The following KIR3DL1 variants were observed in gnomAD, a reference collection of about 807,000 sequenced individuals.
KIR3DL1 encodes killer cell immunoglobulin-like receptor 3DL1.
KIR3DL1 carries 50 observed loss-of-function variants against 40.3 expected under a neutral mutation model. That is an observed-to-expected ratio of 1.24 (90% CI 0.99 to 1.57). KIR3DL1 has a LOEUF of 1.57. KIR3DL1 is among the 40% of genes most tolerant of loss of function. The pLI is 0.00. For missense variants in KIR3DL1, 661 were observed against 559.9 expected (o/e 1.18, Z -1.82); for synonymous variants, 257 against 207.2 (o/e 1.24, Z -2.07).
At position 54,829,010 on chromosome 19, in the gene KIR3DL1, G is replaced by A. The variant is rs534856349; in HGVS notation, c.1001-351G>A. 8.2e-4 allele frequency among the ~76,000 whole-genome samples: 116 copies of A among 142,244 alleles called. 14 individuals are homozygous for A. Among genetic ancestry groups the A allele is most frequent in the Middle Eastern group, 7.0e-3 (2 of 286 alleles). The allele number at this position is 142,244 out of a possible 152,430, so 93.3% of individuals were successfully genotyped here. ...AGCTCTCCAGGAACTAATAGAGAGGGAACTTGCTAACCCCGTCTCCTTGGG... is the reference window on the plus strand; with the variant it reads ...AGCTCTCCAGGAACTAATAGAGAGGAAACTTGCTAACCCCGTCTCCTTGGG... On this transcript the variant is annotated intron_variant, in intron 6 of 8. Coordinates refer to ENST00000391728, the Ensembl canonical transcript of KIR3DL1.
At position 54,822,919 on chromosome 19, in the gene KIR3DL1, T is replaced by C. The variant is rs553683125; in HGVS notation, c.949+1061T>C. ...TAGGTTGACTCCACATCTTGGCTAC[T>C]GTGAACAGTGCTGGAACAGTCATAT... On this transcript the variant is annotated intron_variant, in intron 5 of 8. Coordinates refer to ENST00000391728, the Ensembl canonical transcript of KIR3DL1. Among the ~76,000 whole-genome samples, 49 of 147,430 alleles carry C rather than the reference T, an allele frequency of 3.3e-4. 2 individuals are homozygous for C. The highest frequency in any genetic ancestry group is 1.1e-3 in the Admixed American group (17 of 14,812).
chr19:54,822,924 A>G (rs2061708892), intron 5 of KIR3DL1, among the ~76,000 whole-genome samples: 2 of 147,534 alleles, frequency 1.4e-5, no homozygotes, highest in Admixed American at 1.3e-4. Context: ...GCTACTGTGA[A>G]CAGTGCTGGA....
At chr19:54,821,608 G>A in exon 5 of KIR3DL1, 3 of 1,608,620 alleles carry the variant, frequency 1.9e-6, no homozygotes, top group Middle Eastern at 1.7e-4. Flanking sequence ...CGGGCCCCAA[G>A]GTTCAGGCAG....
chr19:54,820,163 G>C lies in KIR3DL1; in HGVS notation c.655+151G>C, dbSNP rs1426159359. The C allele has an allele frequency of 3.6e-6, 3 of 832,086 alleles. No homozygotes were observed. The Admixed American group carries it at 6.9e-5, about 19-fold the overall frequency. The allele number at this position is 832,086 out of a possible 1,614,324, so 51.5% of individuals were successfully genotyped here. A position where few individuals can be genotyped will look rare whatever the true frequency, so the allele number is the denominator to read the frequency against. On this transcript the variant is annotated intron_variant, in intron 4 of 8. Coordinates refer to ENST00000391728, the Ensembl canonical transcript of KIR3DL1. ...TGAGGTCTGTACCAACAGAGACAGA[G>C]AAACAGGAGACATAAGTACAGAACA...
intron 3 of KIR3DL1, 30 bp from the exon 4 acceptor site, chr19:54,819,683 G>A (rs1251462561): frequency 3.1e-6 from 5 of 1,596,570 alleles, no homozygotes; most frequent in African/African-American, 2.7e-5. Flanking sequence ...AAAGAGAGAT[G>A]CCTTCTAAAC....
chr19:54,818,164 A>T (rs615341), intron 2 of KIR3DL1, 151 bp from the exon 3 acceptor site: 296,756 of 617,732 alleles, frequency 0.48, 81,360 homozygotes, highest in East Asian at 0.79. Flanking sequence ...GGAGACGCCA[A>T]GTCTATGCAG....
chr19:54,824,931 A>G, intron 5 of KIR3DL1, 97 bp from the exon 6 acceptor site: 3 of 991,738 alleles, frequency 3.0e-6, no homozygotes, highest in South Asian at 1.4e-5. Context: ...CCAACATTAG[A>G]TAACAGAGTG....
At chr19:54,816,627 C>T in intron 1 of KIR3DL1, 93 bp downstream of exon 1, 2 of 1,507,532 alleles carry the variant, frequency 1.3e-6, no homozygotes, top group South Asian at 1.2e-5. Context: ...AGTTATGGGC[C>T]TAGAGGTGGA....
rs200140352 is a variant in KIR3DL1, at chr19:54,816,900, AG to A, written c.34+368del. On this transcript the variant is annotated intron_variant, in intron 1 of 8. Transcript: ENST00000391728. The stretch of plus-strand genomic sequence containing the variant: ...GCCTGGAGTGGAGATATGGGCCTGG[AG>A]GTGGAGTTATGGGCCTGCAGTAGAG... Among the ~76,000 whole-genome samples, 25 of 101,188 alleles carry A rather than the reference AG, an allele frequency of 2.5e-4. No individual in the cohort carries two copies. The South Asian group carries it at 3.1e-3, about 13-fold the overall frequency. 66.4% of individuals were successfully genotyped at this position (101,188 alleles called of 152,430 possible).
chr19:54,818,442 C>T (rs756535537), exon 3 of KIR3DL1: 6 of 1,607,112 alleles, frequency 3.7e-6, no homozygotes, highest in Admixed American at 1.7e-5. Flanking sequence ...AAGACAGAAT[C>T]CACATTCCCA....
rs1472814357 is a variant in KIR3DL1 at position 54,829,329 on chromosome 19, T to C, written c.1001-32T>C. 2.1e-6 allele frequency: 3 copies of C among 1,395,384 alleles called. No homozygotes were observed. The East Asian group carries it at 7.1e-5, about 33-fold the overall frequency. 86.4% of individuals were successfully genotyped at this position (1,395,384 alleles called of 1,614,324 possible). On this transcript the variant is annotated intron_variant, in intron 6 of 8. Coordinates refer to ENST00000391728, the Ensembl canonical transcript of KIR3DL1. ...ATTCATATAGAGAAACTGCTATGATTAGCTTCTTACTGGTGTCTCCTCTTC... is the reference window on the plus strand; with the variant it reads ...ATTCATATAGAGAAACTGCTATGATCAGCTTCTTACTGGTGTCTCCTCTTC...
exon 3 of KIR3DL1, chr19:54,818,554 A>T: frequency 6.2e-7 from 1 of 1,611,286 alleles, no homozygotes; most frequent in Non-Finnish European, 8.5e-7. Context: ...ACACTCCCCC[A>T]CTGGGTGGTC....
At chr19:54,823,537 T>G (rs602686) in intron 5 of KIR3DL1, among the ~76,000 whole-genome samples, 70,974 of 150,378 alleles carry the variant, frequency 0.47, 17,930 homozygotes, top group Non-Finnish European at 0.53. Flanking sequence ...ACTCATAGTC[T>G]CCCAGGCTGG....
Position 54,818,667 on chromosome 19 carries a change from GT to G in KIR3DL1, c.355+69del, listed in dbSNP as rs377264511. On this transcript the variant is annotated intron_variant, in intron 3 of 8. Transcript: ENST00000391728. ...GAATCCCAGAGCTTCTGGTGGGGGT[GT>G]CCGTCAGGGTCCCATCACCCAGGCC... 53 of 1,547,174 alleles carry G rather than the reference GT, an allele frequency of 3.4e-5. No homozygotes were observed. In the Middle Eastern group the frequency reaches 1.6e-3, roughly 46 times the overall value.
At chr19:54,825,151 C>A in intron 6 of KIR3DL1, 73 bp downstream of exon 6, 3 of 957,396 alleles carry the variant, frequency 3.1e-6, no homozygotes, top group South Asian at 2.6e-5. Context: ...CAAGTGTTGG[C>A]TCAAACCTCC....
chr19:54,822,039 T>C (rs2061666765), intron 5 of KIR3DL1, among the ~76,000 whole-genome samples, 181 bp downstream of exon 5: 2 of 151,148 alleles, frequency 1.3e-5, no homozygotes, highest in East Asian at 3.9e-4. Context: ...ATGGCCTGCA[T>C]GGAGGCCTCC....
chr19:54,821,988 G>A, intron 5 of KIR3DL1, 130 bp downstream of exon 5: 1 of 1,171,838 alleles, frequency 8.5e-7, no homozygotes. Context: ...GGCGGAGTCA[G>A]GGCGCAGGAT....
exon 4 of KIR3DL1, chr19:54,819,835 A>G (rs762387775): frequency 5.0e-6 from 8 of 1,611,774 alleles, no homozygotes; most frequent in Non-Finnish European, 5.9e-6. Flanking sequence ...CAAAGAGGGG[A>G]TCTCTAAGGA....
chr19:54,816,727 A>G (rs1292290450), intron 1 of KIR3DL1, among the ~76,000 whole-genome samples, 193 bp downstream of exon 1: 26 of 79,526 alleles, frequency 3.3e-4, no homozygotes, highest in African/African-American at 6.9e-4. Context: ...ATGTGCCTGG[A>G]GTGGAGATCT....
Sources: gnomAD v4.1 joint callset for allele counts (sites outside exome capture counted in the v4.1 genomes callset) on GRCh38, gnomAD v4.1.1 for gene constraint, MANE v1.5 for transcripts, NCBI Gene and HGNC (gene_info 2026-07-23, HGNC 2026-07-21) for gene names.